NCAPH: variants seen among roughly 807,000 people sequenced by gnomAD.
NCAPH encodes the protein non-SMC condensin I complex subunit H.
Under a neutral mutation model 85.5 loss-of-function variants are expected in NCAPH, and 38 were observed. The observed-to-expected ratio is 0.44, with a 90% CI of 0.34 to 0.58. The LOEUF is 0.58. Among genes scored for constraint, NCAPH ranks in the 20% least tolerant of loss-of-function variants. The pLI is 0.01. For missense variants in NCAPH, 789 were observed against 916.6 expected (o/e 0.86, Z 1.80); for synonymous variants, 301 against 335.1 (o/e 0.90, Z 1.11).
In NCAPH at chr2:96,342,078, A is replaced by G. The variant is rs766158030; in HGVS notation, c.301A>G (p.Lys101Glu). The part of the protein sequence containing the change: ...RSIDISATIP[K>E]FTNTQITEHY... ...TATTGACATTTCAGCTACTATCCCC[A>G]AGTTTACAAACACGCAGATTACGGA... The change falls in exon 3 of 18, where the codon AAG becomes GAG. Residue 101 changes from lysine to glutamate, a missense_variant. By Grantham distance (56) the Lys-to-Glu change is moderately conservative. Coordinates refer to ENST00000240423, the MANE Select transcript of NCAPH (RefSeq NM_015341.5). 3 of 1,612,764 alleles carry G rather than the reference A, an allele frequency of 1.9e-6. No homozygotes were observed. Among genetic ancestry groups the G allele is most frequent in the Admixed American group, 3.3e-5 (2 of 59,994 alleles).
intron 17 of NCAPH, among the ~76,000 whole-genome samples, chr2:96,371,329 C>G (rs1310431308): frequency 6.6e-6 from 1 of 152,116 alleles, no homozygotes; most frequent in Non-Finnish European, 1.5e-5. Flanking sequence ...CCTTCTGAGT[C>G]CAATTTAAGA....
At chr2:96,336,750 A>G (rs2064219879) in intron 1 of NCAPH, among the ~76,000 whole-genome samples, 1 of 152,204 alleles carries the variant, frequency 6.6e-6, no homozygotes, top group Non-Finnish European at 1.5e-5. Context: ...TGAGAAATAA[A>G]TTTGGATACC....
Position 96,373,438 on chromosome 2 carries a change from G to A in NCAPH, c.*87G>A. On this transcript the variant is annotated 3_prime_UTR_variant, in exon 18 of 18. Coordinates refer to ENST00000240423, the MANE Select transcript of NCAPH (RefSeq NM_015341.5). ...CAGTCTCGGGGGAAGAAGATGCCATGGGCTTATACCCAGGCTGTAGCCAAC... is the reference window on the plus strand; with the variant it reads ...CAGTCTCGGGGGAAGAAGATGCCATAGGCTTATACCCAGGCTGTAGCCAAC... 7.7e-7 allele frequency: 1 copy of A among 1,305,222 alleles called. No individual in the cohort carries two copies. The highest frequency in any genetic ancestry group is 1.1e-6 in the Non-Finnish European group (1 of 905,218). 80.9% of individuals were successfully genotyped at this position (1,305,222 alleles called of 1,614,324 possible).
At chr2:96,369,695 T>G (rs1281870371) in intron 17 of NCAPH, among the ~76,000 whole-genome samples, 195 bp downstream of exon 17, 1 of 152,158 alleles carries the variant, frequency 6.6e-6, no homozygotes, top group African/African-American at 2.4e-5. Context: ...TGATTAGCAA[T>G]GAAAATAGCA....
chr2:96,375,451 C>G lies in NCAPH; in HGVS notation c.*2100C>G, dbSNP rs2064822184. 6.6e-6 allele frequency among the ~76,000 whole-genome samples: 1 copy of G among 152,132 alleles called. No individual in the cohort carries two copies. The highest frequency in any genetic ancestry group is 1.5e-5 in the Non-Finnish European group (1 of 68,032). On this transcript the variant is annotated 3_prime_UTR_variant, in exon 18 of 18. Coordinates refer to ENST00000240423, the MANE Select transcript of NCAPH (RefSeq NM_015341.5). ...GGATTAGTGCTCTTATAAAAGAGGCCTGAGGAAGCTTGTTCGTTCCTCTTG... is the reference window on the plus strand; with the variant it reads ...GGATTAGTGCTCTTATAAAAGAGGCGTGAGGAAGCTTGTTCGTTCCTCTTG...
chr2:96,348,719 G>A (rs1051902091), intron 6 of NCAPH, among the ~76,000 whole-genome samples: 2 of 151,582 alleles, frequency 1.3e-5, no homozygotes, highest in East Asian at 1.9e-4. Flanking sequence ...GCAGTGGCAC[G>A]ATGTTGGCTC....
chr2:96,339,554 GCACTCCAGCCTGGGGGAC>G (rs2064263124), intron 1 of NCAPH, among the ~76,000 whole-genome samples: 2 of 147,800 alleles, frequency 1.4e-5, no homozygotes, highest in Non-Finnish European at 3.0e-5. Context: ...TCCCGTCACT[GCACTCCAGCCTGGGGGAC>G]AAAGCAAGAC....
At chr2:96,357,973 G>A (rs949580871) in intron 9 of NCAPH, among the ~76,000 whole-genome samples, 5 of 152,150 alleles carry the variant, frequency 3.3e-5, no homozygotes, top group Non-Finnish European at 7.4e-5. Context: ...TGTACCTTGT[G>A]GAAAGAGTGA....
chr2:96,351,175 C>T (rs2064435736), intron 6 of NCAPH, among the ~76,000 whole-genome samples: 1 of 152,220 alleles, frequency 6.6e-6, no homozygotes, highest in South Asian at 2.1e-4. Context: ...CCCTATCATA[C>T]AGGCTTTTTA....
rs2064814718 is a variant in NCAPH at position 96,374,794 on chromosome 2, G to C, written c.*1443G>C. Among the ~76,000 whole-genome samples, 1 of 152,172 alleles carries C rather than the reference G, an allele frequency of 6.6e-6. No individual in the cohort carries two copies. Among genetic ancestry groups the C allele is most frequent in the Admixed American group, 6.5e-5 (1 of 15,276 alleles). ...CACTTTCCCAGGCCAGGTTAGTGCT[G>C]GGCTTCTTGCTTTCCTTCTATTCCT... On this transcript the variant is annotated 3_prime_UTR_variant, in exon 18 of 18. Transcript: ENST00000240423.
chr2:96,342,271 T>G, intron 3 of NCAPH, 131 bp downstream of exon 3: 1 of 892,692 alleles, frequency 1.1e-6, no homozygotes. Context: ...GTGCTGGTGG[T>G]TTTACTGTTT....
At position 96,360,188 on chromosome 2, in the gene NCAPH, A is replaced by T; in HGVS notation, c.1403A>T (p.Lys468Ile). Reference protein sequence around the residue: ...QSENKKKSTKKDFEIDFEDDI... With the variant: ...QSENKKKSTKIDFEIDFEDDI... Reference sequence around the variant, plus strand: ...GAAAACAAAAAGAAGAGTACAAAAAAAGATTTTGAAATTGACTTTGAAGAT... The same window carrying T: ...GAAAACAAAAAGAAGAGTACAAAAATAGATTTTGAAATTGACTTTGAAGAT... The change falls in exon 11 of 18, where the codon AAA becomes ATA. Residue 468 changes from lysine to isoleucine, a missense_variant. Lys to Ile is a moderately radical substitution (Grantham distance 102). Transcript: ENST00000240423. 1 of 1,593,214 alleles carries T rather than the reference A, an allele frequency of 6.3e-7. No homozygotes were observed. The highest frequency in any genetic ancestry group is 8.6e-7 in the Non-Finnish European group (1 of 1,162,948).
intron 17 of NCAPH, among the ~76,000 whole-genome samples, chr2:96,373,024 C>T (rs1233240467): frequency 6.6e-6 from 1 of 152,080 alleles, no homozygotes; most frequent in East Asian, 1.9e-4. Flanking sequence ...GCAGACGGCT[C>T]AGCTCTTAGG....
intron 13 of NCAPH, 45 bp downstream of exon 13, chr2:96,364,636 G>A (rs192027973): frequency 2.1e-6 from 3 of 1,420,318 alleles, no homozygotes; most frequent in Admixed American, 3.6e-5. Context: ...AAGCCAGGGA[G>A]TCGTTTTTCT....
rs2064803716 is a variant in NCAPH, at chr2:96,373,831, A to G, written c.*480A>G. The G allele has an allele frequency of 6.5e-6, 1 of 153,042 alleles. No homozygotes were observed. The highest frequency in any genetic ancestry group is 2.4e-5 in the African/African-American group (1 of 41,464). The allele number at this position is 153,042 out of a possible 1,614,324, so 9.5% of individuals were successfully genotyped here. A position where few individuals can be genotyped will look rare whatever the true frequency, so the allele number is the denominator to read the frequency against. ...GCTCAAAAATAAAATTCTTAATAAT[A>G]GAACTGGCAAAATATTTGAGTGTCC... On this transcript the variant is annotated 3_prime_UTR_variant, in exon 18 of 18. Transcript: ENST00000240423.
intron 13 of NCAPH, 47 bp downstream of exon 13, chr2:96,364,638 C>T (rs752273444): frequency 7.3e-6 from 10 of 1,370,088 alleles, no homozygotes; most frequent in Admixed American, 7.3e-5. Flanking sequence ...GCCAGGGAGT[C>T]GTTTTTCTCT....
intron 12 of NCAPH, among the ~76,000 whole-genome samples, chr2:96,362,322 T>G (rs1221462811): frequency 6.6e-6 from 1 of 151,968 alleles, no homozygotes; most frequent in Non-Finnish European, 1.5e-5. Context: ...TATGGATGAT[T>G]TTGAGGGGTT....
chr2:96,349,078 C>T (rs1371577090), intron 6 of NCAPH, among the ~76,000 whole-genome samples: 1 of 152,160 alleles, frequency 6.6e-6, no homozygotes, highest in Non-Finnish European at 1.5e-5. Flanking sequence ...ATTCTGGGAG[C>T]CTGAGGAAAA....
rs1324387773 is a variant in NCAPH, at chr2:96,335,772, G to A, written c.-58G>A. On this transcript the variant is annotated 5_prime_UTR_variant, in exon 1 of 18. Transcript: ENST00000240423. Reference sequence around the variant, plus strand: ...CCGGCGACGTCACGCGGCCGTTACGGCGCTCAGGCGTCTCGACGCGCGCGA... The same window carrying A: ...CCGGCGACGTCACGCGGCCGTTACGACGCTCAGGCGTCTCGACGCGCGCGA... 2.7e-6 allele frequency: 4 copies of A among 1,458,198 alleles called. No homozygotes were observed. The highest frequency in any genetic ancestry group is 3.6e-6 in the Non-Finnish European group (4 of 1,105,272). The allele number at this position is 1,458,198 out of a possible 1,614,324, so 90.3% of individuals were successfully genotyped here. A position where few individuals can be genotyped will look rare whatever the true frequency, so the allele number is the denominator to read the frequency against.
Sources: gnomAD v4.1 joint callset for allele counts (sites outside exome capture counted in the v4.1 genomes callset) on GRCh38, gnomAD v4.1.1 for gene constraint, MANE v1.5 for transcripts, NCBI Gene and HGNC (gene_info 2026-07-23, HGNC 2026-07-21) for gene names.